DOCK2: variants seen among roughly 807,000 people sequenced by gnomAD.
DOCK2 encodes the protein dedicator of cytokinesis protein 2.
In DOCK2, 87 loss-of-function variants were observed where a neutral mutation model predicts 248.9. The observed-to-expected ratio is 0.35, with a 90% confidence interval of 0.29 to 0.42. The LOEUF is 0.42. DOCK2 is among the 10% of genes least tolerant of loss of function. DOCK2 has a pLI of 1.00. For missense variants in DOCK2, 1,747 were observed against 2,300.2 expected, an observed-to-expected ratio of 0.76 and a Z score of 4.92; for synonymous variants, 805 against 821.6, an observed-to-expected ratio of 0.98 and a Z score of 0.35.
intron 26 of DOCK2, among the ~76,000 whole-genome samples, chr5:169,832,648 C>CAG (rs145312818): frequency 4.0e-5 from 6 of 151,804 alleles, no homozygotes; most frequent in Admixed American, 6.6e-5. Context: ...CTCTAAGGGC[C>CAG]AGAGAGAGAG....
chr5:169,961,232 C>G lies in DOCK2; in HGVS notation c.2800-21836C>G, dbSNP rs116598020. Among the ~76,000 whole-genome samples the G allele has an allele frequency of 1.9e-3, 285 of 152,302 alleles. 2 individuals carry two copies. The highest frequency in any genetic ancestry group is 6.7e-3 in the African/African-American group (278 of 41,558). Reference sequence around the variant, plus strand: ...GGCAATTAATGGATCATCATCATCTCTAACATTTCCACACCTAGGATAAAT... The same window carrying G: ...GGCAATTAATGGATCATCATCATCTGTAACATTTCCACACCTAGGATAAAT... On this transcript the variant is annotated intron_variant, in intron 27 of 51. Transcript: ENST00000520908.
At chr5:169,850,129 CT>C (rs1279076803) in intron 27 of DOCK2, among the ~76,000 whole-genome samples, 1 of 152,194 alleles carries the variant, frequency 6.6e-6, no homozygotes, top group Non-Finnish European at 1.5e-5. Context: ...ACAGAATGCA[CT>C]GTCGGTATTA....
intron 27 of DOCK2, among the ~76,000 whole-genome samples, chr5:169,979,255 GCTGT>G (rs762084639): frequency 3.9e-5 from 6 of 152,264 alleles, no homozygotes; most frequent in Middle Eastern, 3.4e-3. Flanking sequence ...CAGTGTTAGG[GCTGT>G]CTAAGTTGCT....
intron 27 of DOCK2, among the ~76,000 whole-genome samples, chr5:169,910,753 G>A (rs898152003): frequency 6.6e-6 from 1 of 152,210 alleles, no homozygotes; most frequent in Non-Finnish European, 1.5e-5. Flanking sequence ...TTGGACTGAT[G>A]ACTAAACTTT....
intron 27 of DOCK2, among the ~76,000 whole-genome samples, chr5:169,913,665 C>T (rs1277768547): frequency 6.6e-6 from 1 of 152,118 alleles, no homozygotes; most frequent in African/African-American, 2.4e-5. Context: ...AGCTATTTCA[C>T]ACTTTGTTGT....
chr5:169,971,573 T>C (rs1004122667), intron 27 of DOCK2, among the ~76,000 whole-genome samples: 1 of 152,170 alleles, frequency 6.6e-6, no homozygotes, highest in African/African-American at 2.4e-5. Context: ...TTTCTCATCA[T>C]GGGGATCAGC....
intron 21 of DOCK2, among the ~76,000 whole-genome samples, chr5:169,718,361 A>G (rs1488606085): frequency 1.3e-5 from 2 of 152,166 alleles, no homozygotes; most frequent in East Asian, 3.8e-4. Flanking sequence ...CATTATTGCC[A>G]CCATTATTCC....
intron 27 of DOCK2, among the ~76,000 whole-genome samples, chr5:169,975,610 A>T (rs2113773033): frequency 6.6e-6 from 1 of 152,192 alleles, no homozygotes; most frequent in Non-Finnish European, 1.5e-5. Context: ...CATTTTCACT[A>T]TTCAGGTTTC....
chr5:169,673,414 T>G (rs367816501), intron 5 of DOCK2, among the ~76,000 whole-genome samples: 4 of 152,150 alleles, frequency 2.6e-5, no homozygotes, highest in African/African-American at 4.8e-5. Context: ...TGTTGTTGTT[T>G]TTTTAATTAT....
chr5:170,067,046 A>G (rs947096868), intron 44 of DOCK2, among the ~76,000 whole-genome samples: 3 of 152,128 alleles, frequency 2.0e-5, no homozygotes, highest in African/African-American at 4.8e-5. Context: ...AATTTTCCCA[A>G]CTAAAGTGAA....
At chr5:169,993,273 T>G (rs1778256120) in intron 29 of DOCK2, among the ~76,000 whole-genome samples, 2 of 152,044 alleles carry the variant, frequency 1.3e-5, no homozygotes, top group African/African-American at 4.8e-5. Context: ...GGGTGGCAGA[T>G]TTTGTGGGAT....
chr5:169,929,262 G>A (rs1422858720), intron 27 of DOCK2, among the ~76,000 whole-genome samples: 1 of 152,138 alleles, frequency 6.6e-6, no homozygotes, highest in Non-Finnish European at 1.5e-5. Context: ...CACCATCCTT[G>A]GCCATATGGT....
chr5:169,888,120 T>G (rs918409351), intron 27 of DOCK2, among the ~76,000 whole-genome samples: 1 of 152,216 alleles, frequency 6.6e-6, no homozygotes, highest in Non-Finnish European at 1.5e-5. Context: ...CTAGGAAGTT[T>G]AGGAAATACA....
intron 22 of DOCK2, 109 bp from the exon 23 acceptor site, chr5:169,747,287 C>T (rs1763664306): frequency 2.1e-6 from 2 of 933,756 alleles, no homozygotes; most frequent in Middle Eastern, 2.4e-4. Context: ...GAAGTCCCCA[C>T]CTCCCACTCC....
chr5:169,861,235 T>C (rs1266576418), intron 27 of DOCK2, among the ~76,000 whole-genome samples: 2 of 152,214 alleles, frequency 1.3e-5, no homozygotes, highest in East Asian at 1.9e-4. Context: ...CTTAGGACCA[T>C]TGAGGTGTCC....
intron 27 of DOCK2, among the ~76,000 whole-genome samples, chr5:169,910,469 C>T (rs1427111856): frequency 6.6e-6 from 1 of 152,130 alleles, no homozygotes; most frequent in Non-Finnish European, 1.5e-5. Context: ...ATTGATTGTG[C>T]CGCCTGTGGT....
chr5:170,052,827 G>T lies in DOCK2; in HGVS notation c.4213+2430G>T, dbSNP rs538825448. On this transcript the variant is annotated intron_variant, in intron 41 of 51. Coordinates refer to ENST00000520908, the MANE Select transcript of DOCK2 (RefSeq NM_004946.3). ...AGGTATTATTGCTTTCCTGCATTTT[G>T]CTAATAGGAAAACTGAGGCTCACAG... Among the ~76,000 whole-genome samples the T allele has an allele frequency of 2.6e-5, 4 of 152,302 alleles. No homozygotes were observed. In the East Asian group the frequency reaches 7.7e-4, roughly 29 times the overall value.
intron 25 of DOCK2, among the ~76,000 whole-genome samples, chr5:169,768,714 C>T (rs1764922678): frequency 6.6e-6 from 1 of 152,226 alleles, no homozygotes. Flanking sequence ...GCTTCTGAGA[C>T]TGTTCAGAAG....
rs57442720 is a variant in DOCK2, at chr5:169,661,729, G to C, written c.127+7243G>C. Among the ~76,000 whole-genome samples the C allele has an allele frequency of 2.1e-3, 316 of 152,038 alleles. 2 individuals carry two copies. Among genetic ancestry groups the C allele is most frequent in the African/African-American group, 7.1e-3 (295 of 41,474 alleles). ...AAATAATGCAATACTTTCTGTGTCT[G>C]TCATATTTCACTTAGCATAATGTCT... On this transcript the variant is annotated intron_variant, in intron 2 of 51. Coordinates refer to ENST00000520908, the MANE Select transcript of DOCK2 (RefSeq NM_004946.3).
Sources: allele counts gnomAD v4.1 joint callset (sites outside exome capture counted in the v4.1 genomes callset), GRCh38; gene constraint gnomAD v4.1.1; transcripts MANE v1.5; gene names NCBI Gene and HGNC (gene_info 2026-07-23, HGNC 2026-07-21).